Variants in RPS6KA2 observed in about 807,000 individuals in gnomAD.
The protein encoded by RPS6KA2 is ribosomal protein S6 kinase A2.
Under a neutral mutation model 91.8 loss-of-function variants are expected in RPS6KA2, and 42 were observed. That is an observed-to-expected ratio of 0.46 (90% CI 0.36 to 0.59). RPS6KA2 has a LOEUF of 0.59. Among genes scored for constraint, RPS6KA2 ranks in the 20% least tolerant of loss-of-function variants. The probability of loss-of-function intolerance (pLI) is 0.00; values close to 1 mark genes in which losing one functional copy is unlikely to be tolerated. For missense variants in RPS6KA2, 798 were observed against 978.5 expected (o/e 0.82, Z 2.46); for synonymous variants, 414 against 393.6 (o/e 1.05, Z -0.61).
chr6:166,482,859 C>T (rs35665106), intron 10 of RPS6KA2, among the ~76,000 whole-genome samples: 37,409 of 152,102 alleles, frequency 0.25, 5,156 homozygotes, highest in East Asian at 0.52. Flanking sequence ...TTCCCTAAAA[C>T]CCAGAGTGCT....
chr6:166,537,445 T>C (rs1246960071), intron 2 of RPS6KA2, among the ~76,000 whole-genome samples: 2 of 152,260 alleles, frequency 1.3e-5, no homozygotes, highest in African/African-American at 4.8e-5. Context: ...CCCTATTTCA[T>C]AAACACCATA....
chr6:166,596,751 A>G (rs1785547873), intron 1 of RPS6KA2, among the ~76,000 whole-genome samples: 2 of 152,102 alleles, frequency 1.3e-5, no homozygotes, highest in African/African-American at 4.8e-5. Flanking sequence ...ACTCCCTTTC[A>G]CATATACATC....
intron 2 of RPS6KA2, among the ~76,000 whole-genome samples, chr6:166,716,657 G>C (rs569969751): frequency 6.6e-6 from 1 of 152,272 alleles, no homozygotes; most frequent in African/African-American, 2.4e-5. Flanking sequence ...AATGGAAAAG[G>C]GGGGTTGTAA....
At chr6:166,738,692 G>C (rs1014862793) in intron 2 of RPS6KA2, among the ~76,000 whole-genome samples, 1 of 152,134 alleles carries the variant, frequency 6.6e-6, no homozygotes, top group East Asian at 1.9e-4. Flanking sequence ...AAATAAAAAC[G>C]ACGTCACTGG....
intron 1 of RPS6KA2, among the ~76,000 whole-genome samples, chr6:166,584,727 C>CTACG (rs1442605887): frequency 2.6e-5 from 4 of 152,208 alleles, no homozygotes; most frequent in Non-Finnish European, 5.9e-5. Flanking sequence ...AACAAAGGAG[C>CTACG]TACGCTGTCA....
At chr6:166,722,759 C>G (rs969732409) in intron 2 of RPS6KA2, among the ~76,000 whole-genome samples, 1 of 152,262 alleles carries the variant, frequency 6.6e-6, no homozygotes, top group Non-Finnish European at 1.5e-5. Context: ...AAATGCCTCC[C>G]TTTTTGAGAT....
At chr6:166,537,329 T>C (rs936724374) in intron 2 of RPS6KA2, among the ~76,000 whole-genome samples, 2 of 152,296 alleles carry the variant, frequency 1.3e-5, no homozygotes, top group Non-Finnish European at 1.5e-5. Context: ...ACATTTCTAA[T>C]TAATAGTGAG....
At chr6:166,738,003 G>T (rs1790715542) in intron 2 of RPS6KA2, among the ~76,000 whole-genome samples, 1 of 152,108 alleles carries the variant, frequency 6.6e-6, no homozygotes, top group Non-Finnish European at 1.5e-5. Flanking sequence ...GAATTTATAT[G>T]CATTCATACC....
rs117841668 is a variant in RPS6KA2 at position 166,772,666 on chromosome 6, C to T, written c.123+85534G>A. On this transcript the variant is annotated intron_variant, in intron 2 of 21. Coordinates refer to the RPS6KA2 transcript ENST00000503859. Reference sequence around the variant, plus strand: ...CCTATCACCTCATTCCACTCCATGACCTACTCTCAGGGCAACCAGCTTTTC... The same window carrying T: ...CCTATCACCTCATTCCACTCCATGATCTACTCTCAGGGCAACCAGCTTTTC... 8.3e-3 allele frequency among the ~76,000 whole-genome samples: 1,266 copies of T among 152,292 alleles called. 5 individuals are homozygous for T. The highest frequency in any genetic ancestry group is 0.014 in the Non-Finnish European group (925 of 68,024).
chr6:166,768,005 T>C (rs1778367185), intron 2 of RPS6KA2, among the ~76,000 whole-genome samples: 1 of 152,228 alleles, frequency 6.6e-6, no homozygotes, highest in Non-Finnish European at 1.5e-5. Context: ...AGTGCTCACA[T>C]TTCTGTCCTT....
chr6:166,464,545 G>A (rs1273480955), intron 11 of RPS6KA2, among the ~76,000 whole-genome samples: 1 of 152,224 alleles, frequency 6.6e-6, no homozygotes, highest in Non-Finnish European at 1.5e-5. Flanking sequence ...TTCACTGCCT[G>A]TAATAATATT....
chr6:166,496,091 C>T (rs1044795472), intron 8 of RPS6KA2, among the ~76,000 whole-genome samples: 1 of 152,200 alleles, frequency 6.6e-6, no homozygotes, highest in African/African-American at 2.4e-5. Flanking sequence ...TGGCTCACGC[C>T]TGCAACCCTA....
rs1269504583 is a variant in RPS6KA2, at chr6:166,434,316, C to T, written c.1333-1826G>A. Reference sequence around the variant, plus strand: ...AGAAGAGTTAGGGTCCCTTTCTGGACATAGAATTTCTCTCCTTCTGCTGCA... The same window carrying T: ...AGAAGAGTTAGGGTCCCTTTCTGGATATAGAATTTCTCTCCTTCTGCTGCA... On this transcript the variant is annotated intron_variant, in intron 14 of 20. Coordinates refer to ENST00000265678, the MANE Select transcript of RPS6KA2 (RefSeq NM_021135.6). The surrounding 1 kb of genome is among the most constrained non-coding windows in gnomAD (Gnocchi z 4.4). Among the ~76,000 whole-genome samples the T allele has an allele frequency of 1.3e-5, 2 of 152,200 alleles. No individual in the cohort carries two copies.
chr6:166,679,834 G>C (rs762915711), intron 2 of RPS6KA2, among the ~76,000 whole-genome samples: 1 of 152,228 alleles, frequency 6.6e-6, no homozygotes, highest in Non-Finnish European at 1.5e-5. Context: ...AGCGCGGCTC[G>C]GCAAGCCCCG....
rs2128580921 is a variant in RPS6KA2 at position 166,712,650 on chromosome 6, A to G, written c.123+145550T>C. Among the ~76,000 whole-genome samples, 2 of 152,332 alleles carry G rather than the reference A, an allele frequency of 1.3e-5. 1 individual carries two copies. The highest frequency in any genetic ancestry group is 4.1e-4 in the South Asian group (2 of 4,828). On this transcript the variant is annotated intron_variant, in intron 2 of 21. Coordinates refer to the RPS6KA2 transcript ENST00000503859. ...AGAAGTAGTGTGAGCCTCTCACGCCATGATGAGGTCACAGTTCCCCTGCAC... is the reference window on the plus strand; with the variant it reads ...AGAAGTAGTGTGAGCCTCTCACGCCGTGATGAGGTCACAGTTCCCCTGCAC...
rs1779357182 is a variant in RPS6KA2, at chr6:166,437,332, A to T, written c.1333-4842T>A. ...GGACGGCGTTCCTCATTCTGAGAAT[A>T]ATATTGTTTTATAATCTTTATTATG... On this transcript the variant is annotated intron_variant, in intron 14 of 20. Transcript: ENST00000265678. The surrounding 1 kb of genome is among the most constrained non-coding windows in gnomAD (Gnocchi z 4.3). 6.6e-6 allele frequency among the ~76,000 whole-genome samples: 1 copy of T among 152,188 alleles called. No individual in the cohort carries two copies. Among genetic ancestry groups the T allele is most frequent in the Non-Finnish European group, 1.5e-5 (1 of 68,034 alleles).
In RPS6KA2 at chr6:166,587,679, T is replaced by TATAC. The variant is rs1450490232; in HGVS notation, c.99+39241_99+39242insGTAT. 1.0e-3 allele frequency among the ~76,000 whole-genome samples: 157 copies of TATAC among 151,246 alleles called. 2 individuals are homozygous for TATAC. The East Asian group carries it at 0.024, about 23-fold the overall frequency. Reference sequence around the variant, plus strand: ...ATAAAATAAATATTATATATATATATACACACACAAAAATGTAAAATATAT... The same window carrying TATAC: ...ATAAAATAAATATTATATATATATATATACACACACACAAAAATGTAAAATATAT... On this transcript the variant is annotated intron_variant, in intron 1 of 20. Coordinates refer to ENST00000265678, the MANE Select transcript of RPS6KA2 (RefSeq NM_021135.6).
At chr6:166,482,190 C>T (rs992728453) in intron 10 of RPS6KA2, among the ~76,000 whole-genome samples, 2 of 151,910 alleles carry the variant, frequency 1.3e-5, no homozygotes, top group African/African-American at 2.4e-5. Flanking sequence ...TGTGCTGCAG[C>T]GTGGAGGGCT....
chr6:166,594,168 C>T (rs377302757), intron 1 of RPS6KA2, among the ~76,000 whole-genome samples: 17 of 151,996 alleles, frequency 1.1e-4, no homozygotes, highest in African/African-American at 3.4e-4. Context: ...TTAATGGTGG[C>T]GGTAAAATTC....
Sources: gnomAD v4.1 joint callset for allele counts (sites outside exome capture counted in the v4.1 genomes callset) on GRCh38, gnomAD v4.1.1 for gene constraint, Gnocchi (gnomAD v3.1) non-coding constraint, MANE v1.5 for transcripts, NCBI Gene and HGNC (gene_info 2026-07-23, HGNC 2026-07-21) for gene names.